Variants in DNAJC5B observed in about 807,000 individuals in gnomAD.
DNAJC5B encodes the protein DnaJ heat shock protein family (Hsp40) member C5 beta.
DNAJC5B carries 23 observed loss-of-function variants against 24.7 expected under a neutral mutation model. The observed-to-expected ratio is 0.93, with a 90% CI of 0.67 to 1.32. The LOEUF (loss-of-function observed/expected upper bound fraction) is 1.32, where lower values mean the gene tolerates loss of function less well. DNAJC5B is among the 40% of genes most tolerant of loss of function. The pLI is 0.00. For synonymous variants in DNAJC5B, 101 were observed against 90.1 expected (o/e 1.12, Z -0.68); for missense variants, 238 against 240.8 (o/e 0.99, Z 0.08).
chr8:66,075,429 A>G (rs888463200), intron 3 of DNAJC5B, among the ~76,000 whole-genome samples: 1 of 152,208 alleles, frequency 6.6e-6, no homozygotes, highest in African/African-American at 2.4e-5. Context: ...GAATTCCAGG[A>G]ATATTAATAG....
chr8:66,067,099 C>A (rs1807235236), intron 3 of DNAJC5B, among the ~76,000 whole-genome samples: 1 of 152,100 alleles, frequency 6.6e-6, no homozygotes, highest in African/African-American at 2.4e-5. Flanking sequence ...TCAGGAGTTT[C>A]CTGGTTCTCA....
chr8:66,080,026 G>A (rs955875196), intron 4 of DNAJC5B, among the ~76,000 whole-genome samples: 1 of 152,114 alleles, frequency 6.6e-6, no homozygotes, highest in Non-Finnish European at 1.5e-5. Context: ...CATTTCACCT[G>A]CAGAGGTTTT....
chr8:66,027,926 A>C (rs1028461304), intron 1 of DNAJC5B, among the ~76,000 whole-genome samples: 3 of 152,254 alleles, frequency 2.0e-5, no homozygotes, highest in African/African-American at 7.2e-5. Context: ...GACAACAGCA[A>C]AATAAAATGT....
chr8:66,015,504 A>C, the DNAJC5B span, among the ~76,000 whole-genome samples: 4 of 152,212 alleles, frequency 2.6e-5, no homozygotes, highest in Admixed American at 2.0e-4. Flanking sequence ...TGTTTTTATA[A>C]ATAGAAAAGA....
chr8:66,060,486 CAGTGAACAA>C (rs1393344192), intron 3 of DNAJC5B, among the ~76,000 whole-genome samples: 6 of 152,208 alleles, frequency 3.9e-5, no homozygotes, highest in Non-Finnish European at 7.3e-5. Flanking sequence ...TAACCCCGTG[CAGTGAACAA>C]TGGGCGACAA....
chr8:66,064,560 A>T (rs1176008601), intron 3 of DNAJC5B, among the ~76,000 whole-genome samples: 1 of 152,216 alleles, frequency 6.6e-6, no homozygotes, highest in African/African-American at 2.4e-5. Context: ...TGCTGGCCTG[A>T]AGAAAAACCA....
At chr8:66,089,956 C>G (rs1431233519) in intron 5 of DNAJC5B, among the ~76,000 whole-genome samples, 6 of 152,108 alleles carry the variant, frequency 3.9e-5, no homozygotes, top group Non-Finnish European at 5.9e-5. Flanking sequence ...TAGATAGTGT[C>G]TTGGGGGAAC....
At chr8:66,027,249 T>C (rs1806265435) in intron 1 of DNAJC5B, among the ~76,000 whole-genome samples, 1 of 152,228 alleles carries the variant, frequency 6.6e-6, no homozygotes, top group African/African-American at 2.4e-5. Context: ...TTGAGATTCA[T>C]TGATTTACAA....
intron 2 of DNAJC5B, among the ~76,000 whole-genome samples, chr8:66,044,690 T>G (rs1429612875): frequency 2.6e-5 from 4 of 152,170 alleles, no homozygotes; most frequent in African/African-American, 9.7e-5. Context: ...TTTGTAATAT[T>G]AATGGCTTTG....
chr8:66,017,290 A>C (rs1455407497), upstream of DNAJC5B, among the ~76,000 whole-genome samples: 1 of 152,184 alleles, frequency 6.6e-6, no homozygotes, highest in East Asian at 1.9e-4. Context: ...GTTTTATTGC[A>C]GTTTGGCTGA....
intron 3 of DNAJC5B, among the ~76,000 whole-genome samples, chr8:66,069,746 G>A (rs986228006): frequency 3.3e-5 from 5 of 152,200 alleles, no homozygotes; most frequent in African/African-American, 1.2e-4. Context: ...ACCTGGCAGA[G>A]ACACAACAAG....
At chr8:66,075,800 G>A (rs1391898156) in intron 3 of DNAJC5B, among the ~76,000 whole-genome samples, 1 of 152,206 alleles carries the variant, frequency 6.6e-6, no homozygotes, top group Non-Finnish European at 1.5e-5. Context: ...TAAAATAGAT[G>A]TGATTTGTTC....
intron 1 of DNAJC5B, among the ~76,000 whole-genome samples, chr8:66,032,099 G>A (rs6988654): frequency 0.041 from 6,307 of 152,322 alleles, 294 homozygotes; most frequent in African/African-American, 0.11. Flanking sequence ...GATAATTGAA[G>A]TAACTTGTCT....
intron 3 of DNAJC5B, among the ~76,000 whole-genome samples, chr8:66,067,886 TTAAA>T (rs1807256052): frequency 6.6e-6 from 1 of 152,222 alleles, no homozygotes; most frequent in South Asian, 2.1e-4. Context: ...ATTTGAGCAA[TTAAA>T]TAAAATGCTT....
chr8:66,030,180 T>A (rs898246651), intron 1 of DNAJC5B, among the ~76,000 whole-genome samples: 13 of 152,126 alleles, frequency 8.5e-5, no homozygotes, highest in African/African-American at 3.1e-4. Flanking sequence ...GCCAGCCGGG[T>A]TATTTGATAG....
chr8:66,064,663 T>G (rs1159490227), intron 3 of DNAJC5B, among the ~76,000 whole-genome samples: 2 of 152,194 alleles, frequency 1.3e-5, no homozygotes, highest in African/African-American at 4.8e-5. Context: ...TTTTGAGCTG[T>G]ATGCAGCCTA....
chr8:66,080,880 A>T (rs1807581496), intron 5 of DNAJC5B, among the ~76,000 whole-genome samples: 1 of 152,158 alleles, frequency 6.6e-6, no homozygotes, highest in Non-Finnish European at 1.5e-5. Context: ...GGGCAGGAGA[A>T]CCAAGGTAGA....
chr8:66,021,237 CA>C (rs913089398), upstream of DNAJC5B, among the ~76,000 whole-genome samples: 3 of 149,610 alleles, frequency 2.0e-5, no homozygotes, highest in African/African-American at 7.4e-5. Context: ...TCCTCATCTG[CA>C]AAAAAAAAGG....
upstream of DNAJC5B, among the ~76,000 whole-genome samples, chr8:66,020,484 G>T (rs865882997): frequency 3.9e-5 from 6 of 152,086 alleles, no homozygotes; most frequent in African/African-American, 1.4e-4. Flanking sequence ...AAAGTGAAGG[G>T]TATGAAATAA....
Sources: gnomAD v4.1 joint callset for allele counts (sites outside exome capture counted in the v4.1 genomes callset) on GRCh38, gnomAD v4.1.1 for gene constraint, MANE v1.5 for transcripts, NCBI Gene and HGNC (gene_info 2026-07-23, HGNC 2026-07-21) for gene names.